Variants in ERICH6B observed in about 807,000 individuals in gnomAD.
ERICH6B encodes glutamate rich 6B.
In ERICH6B, 69 loss-of-function variants were observed where a neutral mutation model predicts 80.0. That is an observed-to-expected ratio of 0.86 (90% CI 0.71 to 1.05). The LOEUF (loss-of-function observed/expected upper bound fraction) is 1.05. Among genes scored for constraint, ERICH6B ranks in the 50% least tolerant of loss-of-function variants. The pLI, the probability that ERICH6B is intolerant of heterozygous loss-of-function variation, is 0.00. For synonymous variants in ERICH6B, 283 were observed against 291.9 expected (o/e 0.97, Z 0.31); for missense variants, 754 against 796.1 (o/e 0.95, Z 0.64).
At chr13:45,549,742 C>T (rs370856641) in intron 13 of ERICH6B, 151 bp downstream of exon 13, 2 of 845,462 alleles carry the variant, frequency 2.4e-6, no homozygotes, top group East Asian at 5.7e-5. Flanking sequence ...GGTCAGGGAC[C>T]TCATGGACTG....
chr13:45,582,745 C>G (rs1417317025), intron 5 of ERICH6B, among the ~76,000 whole-genome samples: 1 of 152,178 alleles, frequency 6.6e-6, no homozygotes, highest in East Asian at 1.9e-4. Flanking sequence ...CTTACAGTAG[C>G]ACCCACCTAA....
chr13:45,557,607 A>G (rs1295128672), intron 11 of ERICH6B, among the ~76,000 whole-genome samples: 4 of 152,218 alleles, frequency 2.6e-5, no homozygotes, highest in Non-Finnish European at 4.4e-5. Flanking sequence ...TTATTTCTGT[A>G]TAAGGTGAGA....
intron 10 of ERICH6B, among the ~76,000 whole-genome samples, chr13:45,562,296 C>T (rs1874718019): frequency 6.6e-6 from 1 of 152,144 alleles, no homozygotes; most frequent in South Asian, 2.1e-4. Flanking sequence ...TCTCAGCTGC[C>T]CAAAGTGTTG....
intron 2 of ERICH6B, among the ~76,000 whole-genome samples, chr13:45,602,086 A>G (rs1795242186): frequency 6.6e-6 from 1 of 152,178 alleles, no homozygotes; most frequent in Non-Finnish European, 1.5e-5. Context: ...TTGCTTTCCA[A>G]CTACCCTGCT....
intron 13 of ERICH6B, among the ~76,000 whole-genome samples, chr13:45,547,985 C>T (rs1874057008): frequency 1.3e-5 from 2 of 152,146 alleles, no homozygotes; most frequent in Admixed American, 1.3e-4. Context: ...GAAGTTCCTG[C>T]TCAGGGGGTG....
At chr13:45,552,104 G>A (rs185976864) in intron 11 of ERICH6B, among the ~76,000 whole-genome samples, 6 of 152,278 alleles carry the variant, frequency 3.9e-5, no homozygotes, top group African/African-American at 1.4e-4. Context: ...TTACAAGGGT[G>A]TTCTTAAATT....
In ERICH6B at chr13:45,550,712, A is replaced by T. The variant is rs187191565; in HGVS notation, c.1408-396T>A. Among the ~76,000 whole-genome samples the T allele has an allele frequency of 2.8e-4, 42 of 152,252 alleles. 1 individual carries two copies. The highest frequency in any genetic ancestry group is 2.2e-3 in the Admixed American group (33 of 15,294). ...GAGGTTTTGAGGAAGGATCTCTTCC[A>T]TGCTTTTCTCTTGGCTTTTGATGAT... is the stretch of plus-strand genomic sequence containing the variant. On this transcript the variant is annotated intron_variant, in intron 11 of 14. Transcript: ENST00000298738.
intron 11 of ERICH6B, among the ~76,000 whole-genome samples, chr13:45,553,420 A>G (rs1282363777): frequency 6.6e-6 from 1 of 152,226 alleles, no homozygotes; most frequent in Non-Finnish European, 1.5e-5. Context: ...TTATAGCAGA[A>G]TGCAACATTT....
chr13:45,582,155 T>A (rs1267633539), intron 5 of ERICH6B, among the ~76,000 whole-genome samples: 2 of 152,234 alleles, frequency 1.3e-5, no homozygotes, highest in Non-Finnish European at 2.9e-5. Flanking sequence ...TCCAGGTTAC[T>A]GTCCAGGACA....
chr13:45,606,503 GTGTATA>G (rs1566307630), intron 2 of ERICH6B, among the ~76,000 whole-genome samples: 612 of 32,656 alleles, frequency 0.019, 32 homozygotes, highest in East Asian at 0.079. Context: ...AAAAGTGTAT[GTGTATA>G]TATATATATA....
At chr13:45,556,341 C>T (rs1043152274) in intron 11 of ERICH6B, among the ~76,000 whole-genome samples, 1 of 152,116 alleles carries the variant, frequency 6.6e-6, no homozygotes, top group African/African-American at 2.4e-5. Flanking sequence ...CTTTTAAATT[C>T]CCACCTTAAT....
chr13:45,588,090 G>A (rs1038027256), intron 4 of ERICH6B, among the ~76,000 whole-genome samples: 7 of 152,222 alleles, frequency 4.6e-5, no homozygotes, highest in Admixed American at 1.3e-4. Flanking sequence ...TCTTGCAGAG[G>A]AAGTAAGTTA....
chr13:45,541,795 G>T, intron 14 of ERICH6B, 115 bp from the exon 15 acceptor site: 1 of 910,044 alleles, frequency 1.1e-6, no homozygotes, highest in Non-Finnish European at 1.7e-6. Flanking sequence ...CTTCACTCGA[G>T]AAAGCACATC....
At chr13:45,549,748 G>T in intron 13 of ERICH6B, 145 bp downstream of exon 13, 1 of 881,740 alleles carries the variant, frequency 1.1e-6, no homozygotes, top group Non-Finnish European at 1.7e-6. Context: ...GGACCTCATG[G>T]ACTGGTCCAT....
intron 5 of ERICH6B, among the ~76,000 whole-genome samples, chr13:45,583,632 C>A (rs1875764537): frequency 6.6e-6 from 1 of 152,138 alleles, no homozygotes; most frequent in Admixed American, 6.5e-5. Context: ...GAGGGACCTG[C>A]TGGGAGATAA....
chr13:45,559,967 A>C (rs1161476789), intron 11 of ERICH6B, among the ~76,000 whole-genome samples: 1 of 152,160 alleles, frequency 6.6e-6, no homozygotes, highest in Non-Finnish European at 1.5e-5. Flanking sequence ...TGTCTTGATG[A>C]CCTGTCTAGT....
chr13:45,602,863 C>A (rs985002852), intron 2 of ERICH6B, among the ~76,000 whole-genome samples: 3 of 152,170 alleles, frequency 2.0e-5, no homozygotes, highest in African/African-American at 7.2e-5. Context: ...CCTTCTATAC[C>A]ATTCAGGGTT....
intron 2 of ERICH6B, among the ~76,000 whole-genome samples, chr13:45,605,735 T>A (rs1949854095): frequency 6.6e-6 from 1 of 152,210 alleles, no homozygotes; most frequent in Admixed American, 6.5e-5. Context: ...CAAGCTCTGG[T>A]TAAACAATAA....
At position 45,596,935 on chromosome 13, in the gene ERICH6B, G is replaced by T; in HGVS notation, c.71C>A (p.Thr24Lys). The T allele has an allele frequency of 6.4e-7, 1 of 1,551,796 alleles. No individual in the cohort carries two copies. Among genetic ancestry groups the T allele is most frequent in the Non-Finnish European group, 8.7e-7 (1 of 1,147,024 alleles). Residue 24 changes from threonine to lysine, a missense_variant, in exon 3 of 15, where the codon ACA (threonine) becomes AAA (lysine). Physicochemically the swap from Thr to Lys is moderately conservative, Grantham distance 78 (BLOSUM62 -1). Coordinates refer to ENST00000298738, the MANE Select transcript of ERICH6B (RefSeq NM_182542.3). ...PHPPTTPQYS[T>K]QNLPSEKEDT... Reference sequence around the variant, plus strand: ...CTCTTTCTCTGAAGGCAAGTTCTGTGTGGAATATTGGGGAGTTGTGGGAGG... The same window carrying T: ...CTCTTTCTCTGAAGGCAAGTTCTGTTTGGAATATTGGGGAGTTGTGGGAGG...
Sources: allele counts gnomAD v4.1 joint callset (sites outside exome capture counted in the v4.1 genomes callset), GRCh38; gene constraint gnomAD v4.1.1; transcripts MANE v1.5; gene names NCBI Gene and HGNC (gene_info 2026-07-23, HGNC 2026-07-21).